Variants in CLSTN2 observed in about 807,000 individuals in gnomAD.
The protein encoded by CLSTN2 is calsyntenin 2.
Under a neutral mutation model 101.2 loss-of-function variants are expected in CLSTN2, and 48 were observed. The observed-to-expected ratio is 0.47, with a 90% CI of 0.38 to 0.60. The LOEUF (loss-of-function observed/expected upper bound fraction) is 0.60. Among genes scored for constraint, CLSTN2 ranks in the 20% least tolerant of loss-of-function variants. The probability of loss-of-function intolerance (pLI) is 0.00; values close to 1 mark genes in which losing one functional copy is unlikely to be tolerated. For synonymous variants in CLSTN2, 481 were observed against 463.6 expected, an observed-to-expected ratio of 1.04 and a Z score of -0.48; for missense variants, 1,160 against 1,238.2, an observed-to-expected ratio of 0.94 and a Z score of 0.95.
intron 6 of CLSTN2, among the ~76,000 whole-genome samples, chr3:140,457,618 A>G (rs1933435460): frequency 6.6e-6 from 1 of 152,232 alleles, no homozygotes; most frequent in Non-Finnish European, 1.5e-5. Context: ...ATGGATATCA[A>G]TTAAGGAGTT....
chr3:139,957,390 T>C (rs1275704455), intron 1 of CLSTN2, among the ~76,000 whole-genome samples: 4 of 152,170 alleles, frequency 2.6e-5, no homozygotes, highest in African/African-American at 9.7e-5. Flanking sequence ...AACACTAACC[T>C]TCTCTATGTC....
intron 2 of CLSTN2, among the ~76,000 whole-genome samples, chr3:140,255,429 G>T (rs142823264): frequency 1.8e-3 from 276 of 152,278 alleles, no homozygotes; most frequent in African/African-American, 6.5e-3. Context: ...ACTGGATAAA[G>T]AAAATGTGGT....
intron 2 of CLSTN2, among the ~76,000 whole-genome samples, chr3:140,207,956 T>C (rs914276403): frequency 1.3e-5 from 2 of 152,152 alleles, no homozygotes; most frequent in Non-Finnish European, 2.9e-5. Context: ...TTTATAATTA[T>C]AGTAATTATT....
intron 2 of CLSTN2, among the ~76,000 whole-genome samples, chr3:140,310,382 A>G (rs1255670333): frequency 6.6e-6 from 1 of 150,486 alleles, no homozygotes; most frequent in Non-Finnish European, 1.5e-5. Flanking sequence ...TCAGACACTC[A>G]TTTGGTTTCC....
At chr3:140,395,845 C>A (rs934435687) in intron 2 of CLSTN2, among the ~76,000 whole-genome samples, 3 of 152,158 alleles carry the variant, frequency 2.0e-5, no homozygotes, top group African/African-American at 7.2e-5. Context: ...TCAGTGTTGA[C>A]TGTCTGCCAA....
At chr3:140,017,424 G>T (rs72981832) in intron 1 of CLSTN2, among the ~76,000 whole-genome samples, 11,917 of 152,280 alleles carry the variant, frequency 0.078, 511 homozygotes, top group East Asian at 0.17. Context: ...CCTGGAAAAG[G>T]CTGGACCTGG....
intron 8 of CLSTN2, among the ~76,000 whole-genome samples, chr3:140,473,719 T>C (rs1165784615): frequency 6.7e-6 from 1 of 149,188 alleles, no homozygotes; most frequent in East Asian, 2.0e-4. Flanking sequence ...AACTATAAGA[T>C]AATAAATCTA....
At chr3:140,219,982 G>A (rs769473308) in intron 2 of CLSTN2, among the ~76,000 whole-genome samples, 5 of 152,118 alleles carry the variant, frequency 3.3e-5, no homozygotes, top group Non-Finnish European at 7.4e-5. Context: ...TTTTACAGAT[G>A]GAGAAATGGA....
intron 2 of CLSTN2, among the ~76,000 whole-genome samples, chr3:140,274,425 T>G (rs2086775034): frequency 6.6e-6 from 1 of 152,190 alleles, no homozygotes; most frequent in African/African-American, 2.4e-5. Context: ...TTGATGTTAA[T>G]TATTTGTTTA....
intron 1 of CLSTN2, among the ~76,000 whole-genome samples, chr3:140,032,023 G>A (rs1295842865): frequency 6.6e-6 from 1 of 152,082 alleles, no homozygotes; most frequent in South Asian, 2.1e-4. Flanking sequence ...ACTGTTACAT[G>A]GTGCTCTATA....
At chr3:140,373,831 CAG>C (rs1401618235) in intron 2 of CLSTN2, among the ~76,000 whole-genome samples, 2 of 152,186 alleles carry the variant, frequency 1.3e-5, no homozygotes, top group Non-Finnish European at 2.9e-5. Context: ...AGCAAGGAGA[CAG>C]GGAGTTCTCC....
intron 1 of CLSTN2, among the ~76,000 whole-genome samples, chr3:139,987,672 A>G (rs1014516955): frequency 1.3e-5 from 2 of 152,218 alleles, no homozygotes; most frequent in Admixed American, 6.5e-5. Context: ...TGTCAGTGGA[A>G]TTTAATCACC....
chr3:140,227,135 A>G (rs1396690512), intron 2 of CLSTN2, among the ~76,000 whole-genome samples: 1 of 152,192 alleles, frequency 6.6e-6, no homozygotes, highest in Non-Finnish European at 1.5e-5. Flanking sequence ...TCCACAGTCC[A>G]AAGTCTCATT....
intron 1 of CLSTN2, among the ~76,000 whole-genome samples, chr3:140,123,804 A>ATG (rs35775693): frequency 2.1e-5 from 2 of 94,732 alleles, no homozygotes; most frequent in African/African-American, 1.2e-4. Flanking sequence ...AGATGGAGAC[A>ATG]TATATATATA....
At chr3:140,227,948 T>C (rs1053027946) in intron 2 of CLSTN2, among the ~76,000 whole-genome samples, 10 of 152,168 alleles carry the variant, frequency 6.6e-5, no homozygotes, top group Non-Finnish European at 1.5e-4. Context: ...CATGTTTTCC[T>C]CCTAAACCTC....
At chr3:140,203,715 C>T (rs2010747777) in intron 2 of CLSTN2, among the ~76,000 whole-genome samples, 1 of 152,044 alleles carries the variant, frequency 6.6e-6, no homozygotes, top group South Asian at 2.1e-4. Flanking sequence ...ATGGACTTAG[C>T]TGACAAGACA....
intron 2 of CLSTN2, among the ~76,000 whole-genome samples, chr3:140,187,135 C>T (rs1465234193): frequency 1.3e-5 from 2 of 152,156 alleles, no homozygotes; most frequent in Admixed American, 6.5e-5. Context: ...CTGCAGCCTG[C>T]CCTCTGCCAC....
At chr3:140,284,614 A>G (rs1206041488) in intron 2 of CLSTN2, among the ~76,000 whole-genome samples, 3 of 152,172 alleles carry the variant, frequency 2.0e-5, no homozygotes, top group Non-Finnish European at 4.4e-5. Context: ...TTCTGAGGAA[A>G]GAAAAGCTCC....
At chr3:140,099,914 C>A (rs949867954) in intron 1 of CLSTN2, among the ~76,000 whole-genome samples, 4 of 152,200 alleles carry the variant, frequency 2.6e-5, no homozygotes, top group Non-Finnish European at 5.9e-5. Context: ...GTTCCTGAGG[C>A]AGCAGCACAT....
Sources: allele counts gnomAD v4.1 joint callset (sites outside exome capture counted in the v4.1 genomes callset), GRCh38; gene constraint gnomAD v4.1.1; transcripts MANE v1.5; gene names NCBI Gene and HGNC (gene_info 2026-07-23, HGNC 2026-07-21).